TAF4: variants seen among roughly 807,000 people sequenced by gnomAD.
TAF4 encodes the protein transcription initiation factor TFIID subunit 4.
In TAF4, 9 loss-of-function variants were observed where a neutral mutation model predicts 90.3. That is an observed-to-expected ratio of 0.10 (90% CI 0.06 to 0.17). The LOEUF (loss-of-function observed/expected upper bound fraction) is 0.17. Ranked by LOEUF, TAF4 falls within the 10% of genes least tolerant of loss-of-function variation. The probability of loss-of-function intolerance (pLI) is 1.00; values close to 1 mark genes in which losing one functional copy is unlikely to be tolerated. For missense variants in TAF4, 1,351 were observed against 1,370.7 expected (o/e 0.99, Z 0.23); for synonymous variants, 818 against 638.9 (o/e 1.28, Z -4.23).
At chr20:62,050,721 C>T (rs1199802955) in intron 1 of TAF4, among the ~76,000 whole-genome samples, 2 of 152,142 alleles carry the variant, frequency 1.3e-5, no homozygotes, top group Non-Finnish European at 2.9e-5. Context: ...GGCATCTAGG[C>T]ATCACCCAGA....
chr20:62,004,241 C>T (rs2055728326), intron 7 of TAF4, among the ~76,000 whole-genome samples: 1 of 152,032 alleles, frequency 6.6e-6, no homozygotes, highest in African/African-American at 2.4e-5. Context: ...CACTGCCCCC[C>T]AAATATTAGC....
chr20:62,056,666 A>G (rs1357300546), intron 1 of TAF4, among the ~76,000 whole-genome samples: 1 of 152,322 alleles, frequency 6.6e-6, no homozygotes, highest in African/African-American at 2.4e-5. Context: ...CTGTAATTAC[A>G]GAAAAACACA....
chr20:61,994,855 A>G (rs1227464939), intron 14 of TAF4, among the ~76,000 whole-genome samples: 1 of 152,220 alleles, frequency 6.6e-6, no homozygotes, highest in African/African-American at 2.4e-5. Context: ...AGTAGAGGGC[A>G]GTCCAGAAGC....
At chr20:62,039,871 G>A (rs1312220692) in intron 1 of TAF4, among the ~76,000 whole-genome samples, 7 of 152,088 alleles carry the variant, frequency 4.6e-5, no homozygotes, top group Non-Finnish European at 1.5e-5. Context: ...AAGAAGATAG[G>A]CAAATGAGCA....
chr20:61,984,127 G>T (rs191174813), intron 14 of TAF4, among the ~76,000 whole-genome samples: 3 of 152,142 alleles, frequency 2.0e-5, no homozygotes, highest in Admixed American at 1.3e-4. Flanking sequence ...GCCAGCAGCC[G>T]GAAGACTGAG....
At chr20:62,003,601 T>C (rs2123132212) in intron 8 of TAF4, 130 bp downstream of exon 8, 1 of 1,051,860 alleles carries the variant, frequency 9.5e-7, no homozygotes, top group Non-Finnish European at 1.3e-6. Context: ...TCAGTGCCAC[T>C]GAACTAGATA....
chr20:62,016,630 G>T (rs922835520), intron 1 of TAF4, among the ~76,000 whole-genome samples: 1 of 152,180 alleles, frequency 6.6e-6, no homozygotes, highest in Non-Finnish European at 1.5e-5. Flanking sequence ...TTTGAGATCT[G>T]GGGACTCAGA....
chr20:62,042,040 A>G (rs913534633), intron 1 of TAF4, among the ~76,000 whole-genome samples: 2 of 152,172 alleles, frequency 1.3e-5, no homozygotes, highest in African/African-American at 4.8e-5. Flanking sequence ...CCCACCCTCA[A>G]GCCTGGACAC....
chr20:62,000,974 C>G (rs530048286), intron 9 of TAF4, among the ~76,000 whole-genome samples: 15 of 152,334 alleles, frequency 9.8e-5, no homozygotes, highest in African/African-American at 3.6e-4. Flanking sequence ...CACAGATGCG[C>G]AGGGGACTCA....
intron 1 of TAF4, among the ~76,000 whole-genome samples, chr20:62,022,699 G>C (rs1473919876): frequency 6.6e-6 from 1 of 152,202 alleles, no homozygotes; most frequent in Non-Finnish European, 1.5e-5. Context: ...TCTGGCTAAA[G>C]CAAGTGTTCT....
Position 62,003,834 on chromosome 20 carries a change from C to G in TAF4, c.2268G>C (p.Pro756=), listed in dbSNP as rs113665926. ...PPKPGALIRP[P]QVTLTQTPMV... ...TGGGTGTCTGCGTCAACGTCACCTG[C>G]GGGGGCCGGATCAGGGCTCCTGGCT... Residue 756 remains proline, a synonymous_variant, in exon 8 of 15, where the codon CCG becomes CCC. Coordinates refer to ENST00000252996, the MANE Select transcript of TAF4 (RefSeq NM_003185.4). 1.9e-6 allele frequency: 3 copies of G among 1,599,720 alleles called. No individual in the cohort carries two copies. The African/African-American group carries it at 4.0e-5, about 22-fold the overall frequency.
rs187067285 is a variant in TAF4, at chr20:62,005,520, A to G, written c.2223+990T>C. The stretch of plus-strand genomic sequence containing the variant: ...CCACCTTTTTGGGTAAAGTAGCTCC[A>G]CTGACTAGTGAACAGGGAAGTTCTG... On this transcript the variant is annotated intron_variant, in intron 7 of 14. Coordinates refer to ENST00000252996, the MANE Select transcript of TAF4 (RefSeq NM_003185.4). 5.9e-5 allele frequency: 9 copies of G among 152,380 alleles called. No individual in the cohort carries two copies. The East Asian group carries it at 1.7e-3, about 29-fold the overall frequency. The allele number at this position is 152,380 out of a possible 1,614,324, so 9.4% of individuals were successfully genotyped here. A position where few individuals can be genotyped will look rare whatever the true frequency, so the allele number is the denominator to read the frequency against.
rs2055483773 is a variant in TAF4, at chr20:61,974,955, A to G, written c.*1213T>C. The G allele has an allele frequency of 6.6e-6, 1 of 152,470 alleles. No individual in the cohort carries two copies. The highest frequency in any genetic ancestry group is 2.4e-5 in the African/African-American group (1 of 41,458). 9.4% of individuals were successfully genotyped at this position (152,470 alleles called of 1,614,324 possible). A position where few individuals can be genotyped will look rare whatever the true frequency, so the allele number is the denominator to read the frequency against. ...AAAAATGGAAAGACAGGGATTTCCTAAAAGACAAAATAAAAGGTGTAACAG... is the reference window on the plus strand; with the variant it reads ...AAAAATGGAAAGACAGGGATTTCCTGAAAGACAAAATAAAAGGTGTAACAG... On this transcript the variant is annotated 3_prime_UTR_variant, in exon 15 of 15. Transcript: ENST00000252996. This position sits in a 1 kb window ranked among gnomAD's most constrained non-coding sequence, Gnocchi z 4.1.
chr20:61,976,386 C>T lies in TAF4; in HGVS notation c.3091-51G>A, dbSNP rs775473327. The T allele has an allele frequency of 3.8e-6, 6 of 1,598,212 alleles. No homozygotes were observed. In the South Asian group the frequency reaches 4.4e-5, roughly 12 times the overall value. On this transcript the variant is annotated intron_variant, in intron 14 of 14. Coordinates refer to ENST00000252996, the MANE Select transcript of TAF4 (RefSeq NM_003185.4). ...TGTGTTAGTGGGGCTCAGAGTGGGG[C>T]TTGCAATGAGCCTGTGTATCTGAGC...
intron 1 of TAF4, among the ~76,000 whole-genome samples, chr20:62,022,585 G>C (rs1389410299): frequency 6.6e-6 from 1 of 152,194 alleles, no homozygotes; most frequent in East Asian, 1.9e-4. Flanking sequence ...ATGTGGAAAG[G>C]GCCCCTCCAG....
At chr20:62,023,313 C>A (rs955670944) in intron 1 of TAF4, among the ~76,000 whole-genome samples, 1 of 151,522 alleles carries the variant, frequency 6.6e-6, no homozygotes, top group Non-Finnish European at 1.5e-5. Flanking sequence ...CATGGTGGTG[C>A]ACCCCTGTAG....
chr20:62,024,699 T>G (rs1485308261), intron 1 of TAF4, among the ~76,000 whole-genome samples: 1 of 151,914 alleles, frequency 6.6e-6, no homozygotes, highest in East Asian at 1.9e-4. Flanking sequence ...CGAAACCCCA[T>G]CTCTACTAAA....
intron 1 of TAF4, among the ~76,000 whole-genome samples, chr20:62,043,104 T>C (rs1041291593): frequency 1.3e-5 from 2 of 152,168 alleles, no homozygotes; most frequent in African/African-American, 4.8e-5. Context: ...GGCAGATCGC[T>C]AGAGCCCAGG....
rs201406133 is a variant in TAF4 at position 61,993,379 on chromosome 20, GGCAGAACT to G, written c.3090+4163_3090+4170del. Reference sequence around the variant, plus strand: ...AGGAAGTTCAGAGGAGGGAGGAACAGGCAGAACTGCACCACAAGGGCACCGCCAGCAAT... The same window carrying G: ...AGGAAGTTCAGAGGAGGGAGGAACAGGCACCACAAGGGCACCGCCAGCAAT... On this transcript the variant is annotated intron_variant, in intron 14 of 14. Coordinates refer to ENST00000252996, the MANE Select transcript of TAF4 (RefSeq NM_003185.4). 7.2e-5 allele frequency among the ~76,000 whole-genome samples: 11 copies of G among 152,284 alleles called. No individual in the cohort carries two copies. In the East Asian group the frequency reaches 2.1e-3, roughly 29 times the overall value.
Sources: allele counts gnomAD v4.1 joint callset (sites outside exome capture counted in the v4.1 genomes callset), GRCh38; gene constraint gnomAD v4.1.1; non-coding constraint Gnocchi (gnomAD v3.1); transcripts MANE v1.5; gene names NCBI Gene and HGNC (gene_info 2026-07-23, HGNC 2026-07-21).